The following ASF1B variants were observed in gnomAD, a reference collection of about 807,000 sequenced individuals.
ASF1B encodes anti-silencing function 1B histone chaperone, also known as histone chaperone ASF1B.
ASF1B carries 10 observed loss-of-function variants against 16.6 expected under a neutral mutation model. The observed-to-expected ratio is 0.60, with a 90% CI of 0.37 to 1.02. The LOEUF is 1.02. ASF1B is among the 50% of genes least tolerant of loss of function. The pLI, the probability that ASF1B is intolerant of heterozygous loss-of-function variation, is 0.01. For missense variants in ASF1B, 240 were observed against 266.0 expected (o/e 0.90, Z 0.68); for synonymous variants, 101 against 106.2 (o/e 0.95, Z 0.30).
intron 3 of ASF1B, among the ~76,000 whole-genome samples, chr19:14,121,111 T>C (rs1967228910): frequency 6.6e-6 from 1 of 151,464 alleles, no homozygotes; most frequent in Admixed American, 6.6e-5. Context: ...CGTGAGCCAC[T>C]GTGCCTGGCC....
At chr19:14,125,895 G>A (rs1173277953) in intron 2 of ASF1B, among the ~76,000 whole-genome samples, 1 of 152,038 alleles carries the variant, frequency 6.6e-6, no homozygotes, top group Non-Finnish European at 1.5e-5. Context: ...TAGAGACAGG[G>A]TCTCACTGTG....
chr19:14,136,571 T>A lies in ASF1B; in HGVS notation c.-115A>T. On this transcript the variant is annotated 5_prime_UTR_variant, in exon 1 of 4. Transcript: ENST00000263382. ...TGACCAGGTCCACTCCCGCCTCTTC[T>A]CTCCGAGAACTGAAGTGCGCACCTA... 1.3e-6 allele frequency: 1 copy of A among 789,672 alleles called. No homozygotes were observed. The highest frequency in any genetic ancestry group is 2.0e-6 in the Non-Finnish European group (1 of 508,874). 48.9% of individuals were successfully genotyped at this position (789,672 alleles called of 1,614,324 possible).
At chr19:14,135,873 C>A (rs1344540078) in intron 1 of ASF1B, among the ~76,000 whole-genome samples, 3 of 151,940 alleles carry the variant, frequency 2.0e-5, no homozygotes, top group Non-Finnish European at 4.4e-5. Context: ...GTGGTTGAAG[C>A]GGGGGTCTTG....
chr19:14,121,296 T>TTTC, intron 3 of ASF1B: 4 of 403,842 alleles, frequency 9.9e-6, no homozygotes, highest in South Asian at 8.4e-5. Flanking sequence ...TTTTTTTTTT[T>TTTC]GCGGGGGTTA....
chr19:14,130,829 CAT>C lies in ASF1B; in HGVS notation c.110-4594_110-4593del, dbSNP rs1384370607. Among the ~76,000 whole-genome samples the C allele has an allele frequency of 6.7e-5, 10 of 150,158 alleles. No homozygotes were observed. The South Asian group carries it at 1.9e-3, about 28-fold the overall frequency. Reference sequence around the variant, plus strand: ...TATATATAAATGATAAGACTAAAGACATGTACACAATTAGTATAGCTGAACTA... The same window carrying C: ...TATATATAAATGATAAGACTAAAGACGTACACAATTAGTATAGCTGAACTA... On this transcript the variant is annotated intron_variant, in intron 1 of 3. Coordinates refer to ENST00000263382, the MANE Select transcript of ASF1B (RefSeq NM_018154.3).
intron 2 of ASF1B, among the ~76,000 whole-genome samples, chr19:14,123,409 TCTCA>T (rs1025322169): frequency 6.6e-5 from 9 of 136,750 alleles, no homozygotes; most frequent in African/African-American, 2.2e-4. Flanking sequence ...TGAGATGGAG[TCTCA>T]CTGTCACCCA....
chr19:14,131,189 CTTTTTTTTTTT>C (rs917061483), intron 1 of ASF1B, among the ~76,000 whole-genome samples: 2 of 117,732 alleles, frequency 1.7e-5, no homozygotes, highest in Admixed American at 1.7e-4. Flanking sequence ...TTTTTTTTTT[CTTTTTTTTTTT>C]TTGAAACAGA....
At chr19:14,134,512 A>G (rs183758558) in intron 1 of ASF1B, among the ~76,000 whole-genome samples, 86 of 151,846 alleles carry the variant, frequency 5.7e-4, no homozygotes, top group African/African-American at 2.0e-3. Flanking sequence ...AGGCCCCCAG[A>G]TCACCACCTC....
chr19:14,123,394 T>G (rs1204743113), intron 2 of ASF1B, among the ~76,000 whole-genome samples: 13 of 147,880 alleles, frequency 8.8e-5, no homozygotes, highest in Non-Finnish European at 1.6e-4. Flanking sequence ...TTTTTTTTTT[T>G]TTTTTGAGAT....
chr19:14,124,351 C>T (rs1476255450), intron 2 of ASF1B, among the ~76,000 whole-genome samples: 3 of 151,808 alleles, frequency 2.0e-5, no homozygotes, highest in East Asian at 1.9e-4. Flanking sequence ...ATGGGGGTCT[C>T]GCTATGTGGC....
At chr19:14,121,345 C>G (rs1762610301) in intron 3 of ASF1B, 187 bp downstream of exon 3, 5 of 435,322 alleles carry the variant, frequency 1.1e-5, no homozygotes, top group Non-Finnish European at 3.9e-6. Flanking sequence ...CTGGCCTAAT[C>G]TTAATTCTCT....
At chr19:14,128,532 T>C (rs1222933805) in intron 1 of ASF1B, among the ~76,000 whole-genome samples, 1 of 152,218 alleles carries the variant, frequency 6.6e-6, no homozygotes. Flanking sequence ...TGCAGTGCAG[T>C]GGCATAATCA....
Position 14,120,596 on chromosome 19 carries a change from C to A in ASF1B, c.472G>T (p.Asp158Tyr). 6.2e-7 allele frequency: 1 copy of A among 1,614,100 alleles called. No individual in the cohort carries two copies. Among genetic ancestry groups the A allele is most frequent in the Non-Finnish European group, 8.5e-7 (1 of 1,180,018 alleles). ...RFHINWDNNM[D>Y]RLEAIETQDP... ...TGGGTCTCTATGGCCTCCAGCCTGT[C>A]CATGTTGTTGTCCCAGTTGATATGG... The change falls in exon 4 of 4, where the codon GAC (aspartate) becomes TAC (tyrosine). Residue 158 changes from aspartate (D) to tyrosine (Y), a missense_variant. Transcript: ENST00000263382.
In ASF1B at chr19:14,136,373, G is replaced by C. The variant is rs1158158213; in HGVS notation, c.84C>G (p.Phe28Leu). ...FHSPFRFEISFECSEALADDL... is the reference protein window; with the variant it reads ...FHSPFRFEISLECSEALADDL... Reference sequence around the variant, plus strand: ...CGTCCGCCAGGGCTTCACTGCACTCGAAGCTGATCTCGAACCGGAAGGGGC... The same window carrying C: ...CGTCCGCCAGGGCTTCACTGCACTCCAAGCTGATCTCGAACCGGAAGGGGC... Residue 28 changes from phenylalanine to leucine, a missense_variant, in exon 1 of 4, where the codon TTC becomes TTG. Coordinates refer to ENST00000263382, the MANE Select transcript of ASF1B (RefSeq NM_018154.3). 6.2e-7 allele frequency: 1 copy of C among 1,613,526 alleles called. No homozygotes were observed. Among genetic ancestry groups the C allele is most frequent in the East Asian group, 2.2e-5 (1 of 44,868 alleles).
chr19:14,127,728 C>A (rs1599358440), intron 1 of ASF1B, among the ~76,000 whole-genome samples: 1 of 148,106 alleles, frequency 6.8e-6, no homozygotes, highest in African/African-American at 2.5e-5. Context: ...CCTCTGCCTC[C>A]CGGGTTCAAG....
At chr19:14,121,481 C>A in intron 3 of ASF1B, 51 bp downstream of exon 3, 1 of 1,577,906 alleles carries the variant, frequency 6.3e-7, no homozygotes, top group South Asian at 1.2e-5. Context: ...GAACTCCCCC[C>A]AAGTATAAAG....
rs1199787431 is a variant in ASF1B, at chr19:14,121,469, C to G, written c.402+63G>C. 1.9e-6 allele frequency: 3 copies of G among 1,545,042 alleles called. No homozygotes were observed. The South Asian group carries it at 3.6e-5, about 19-fold the overall frequency. ...TGACCTTGACTCTCAATTTGAATGG[C>G]TGAACTCCCCCCAAGTATAAAGAAC... On this transcript the variant is annotated intron_variant, in intron 3 of 3. Transcript: ENST00000263382.
At position 14,119,876 on chromosome 19, in the gene ASF1B, C is replaced by T. The variant is rs1184733897; in HGVS notation, c.*583G>A. Reference sequence around the variant, plus strand: ...TGGCTGTGATTGACAGGAAAGGCAACATGGTTCCTCAGCATCCTGCTGATC... The same window carrying T: ...TGGCTGTGATTGACAGGAAAGGCAATATGGTTCCTCAGCATCCTGCTGATC... On this transcript the variant is annotated 3_prime_UTR_variant, in exon 4 of 4. Coordinates refer to ENST00000263382, the MANE Select transcript of ASF1B (RefSeq NM_018154.3). The T allele has an allele frequency of 6.6e-6, 1 of 152,446 alleles. No individual in the cohort carries two copies. The highest frequency in any genetic ancestry group is 1.5e-5 in the Non-Finnish European group (1 of 68,132). The allele number at this position is 152,446 out of a possible 1,614,324, so 9.4% of individuals were successfully genotyped here.
intron 1 of ASF1B, among the ~76,000 whole-genome samples, chr19:14,128,648 A>G (rs1037492151): frequency 6.6e-6 from 1 of 152,086 alleles, no homozygotes; most frequent in African/African-American, 2.4e-5. Context: ...GAATTTTTAA[A>G]TTGTTTTTAG....
Sources: gnomAD v4.1 joint callset for allele counts (sites outside exome capture counted in the v4.1 genomes callset) on GRCh38, gnomAD v4.1.1 for gene constraint, MANE v1.5 for transcripts, NCBI Gene and HGNC (gene_info 2026-07-23, HGNC 2026-07-21) for gene names.